The following GALNT14 variants were observed in gnomAD, a reference collection of about 807,000 sequenced individuals.
GALNT14 encodes UDP-GalNAc:polypeptide N-acetylgalactosaminyltransferase 14.
Under a neutral mutation model 77.5 loss-of-function variants are expected in GALNT14, and 60 were observed. The ratio of observed to expected loss-of-function variants is 0.77; its 90% CI spans 0.63 to 0.96. GALNT14 has a LOEUF of 0.96. Among genes scored for constraint, GALNT14 ranks in the 40% least tolerant of loss-of-function variants. The pLI is 0.00. For synonymous variants in GALNT14, 280 were observed against 281.7 expected (o/e 0.99, Z 0.06); for missense variants, 710 against 731.0 (o/e 0.97, Z 0.33).
chr2:31,028,226 T>G (rs761584092), intron 1 of GALNT14, among the ~76,000 whole-genome samples: 1 of 152,188 alleles, frequency 6.6e-6, no homozygotes, highest in Non-Finnish European at 1.5e-5. Context: ...GGTGTGAGAA[T>G]GCCTGGCCTC....
intron 1 of GALNT14, among the ~76,000 whole-genome samples, chr2:31,074,490 G>GC (rs1330770575): frequency 6.6e-6 from 1 of 152,042 alleles, no homozygotes; most frequent in Non-Finnish European, 1.5e-5. Flanking sequence ...CCTGGGCTGG[G>GC]CGGGTTGATC....
chr2:31,023,896 C>A (rs752881686), intron 1 of GALNT14, among the ~76,000 whole-genome samples: 1 of 152,128 alleles, frequency 6.6e-6, no homozygotes, highest in Non-Finnish European at 1.5e-5. Flanking sequence ...GATTTAGACT[C>A]CGAGGTGACT....
At chr2:31,045,501 C>T (rs1236061119) in intron 1 of GALNT14, among the ~76,000 whole-genome samples, 2 of 152,100 alleles carry the variant, frequency 1.3e-5, no homozygotes, top group Admixed American at 6.6e-5. Context: ...CTTGCTTTGT[C>T]GCCCATGCTG....
At chr2:31,035,910 C>G (rs13391595) in intron 1 of GALNT14, among the ~76,000 whole-genome samples, 27,917 of 151,780 alleles carry the variant, frequency 0.18, 3,297 homozygotes, top group Admixed American at 0.35. Flanking sequence ...CTAATGGGTA[C>G]TAGGCTTAAT....
At chr2:31,033,150 A>T (rs751719868) in intron 1 of GALNT14, among the ~76,000 whole-genome samples, 2 of 152,130 alleles carry the variant, frequency 1.3e-5, no homozygotes, top group Non-Finnish European at 2.9e-5. Context: ...GTCATTGAAA[A>T]GTGACTGACA....
At chr2:31,055,238 G>A (rs1009071108) in intron 1 of GALNT14, among the ~76,000 whole-genome samples, 1 of 152,232 alleles carries the variant, frequency 6.6e-6, no homozygotes, top group African/African-American at 2.4e-5. Flanking sequence ...AAGCACTAAT[G>A]AAGATCTGGA....
At chr2:31,049,744 AT>A (rs1041278527) in intron 1 of GALNT14, among the ~76,000 whole-genome samples, 2 of 152,162 alleles carry the variant, frequency 1.3e-5, no homozygotes, top group African/African-American at 4.8e-5. Flanking sequence ...TATGAAATCC[AT>A]TCCCCCTTCA....
chr2:31,050,088 C>T (rs902966139), intron 1 of GALNT14, among the ~76,000 whole-genome samples: 2 of 152,074 alleles, frequency 1.3e-5, no homozygotes, highest in African/African-American at 2.4e-5. Context: ...GCTTTGGTGG[C>T]CAGAGTCCTG....
chr2:30,959,135 T>G (rs540229644), intron 3 of GALNT14, among the ~76,000 whole-genome samples: 196 of 152,282 alleles, frequency 1.3e-3, no homozygotes, highest in African/African-American at 4.6e-3. Context: ...AATGCCCCTG[T>G]GCTGCCCACA....
intron 1 of GALNT14, among the ~76,000 whole-genome samples, chr2:31,030,161 A>G (rs1028370881): frequency 2.0e-5 from 3 of 152,216 alleles, no homozygotes; most frequent in African/African-American, 7.2e-5. Flanking sequence ...GAAAAGCACA[A>G]GAGGAAAACT....
At chr2:30,922,535 T>C (rs4952194) in intron 13 of GALNT14, among the ~76,000 whole-genome samples, 46,826 of 152,136 alleles carry the variant, frequency 0.31, 8,206 homozygotes, top group East Asian at 0.48. Flanking sequence ...GCATCCTCAC[T>C]AGCACCCTTG....
chr2:31,044,449 C>A (rs187451295), intron 1 of GALNT14, among the ~76,000 whole-genome samples: 1 of 152,162 alleles, frequency 6.6e-6, no homozygotes, highest in Non-Finnish European at 1.5e-5. Context: ...ATTAAGTGTC[C>A]TCTGTGCCTA....
At chr2:31,051,713 GC>G (rs1673881089) in intron 1 of GALNT14, among the ~76,000 whole-genome samples, 1 of 152,164 alleles carries the variant, frequency 6.6e-6, no homozygotes, top group Admixed American at 6.5e-5. Flanking sequence ...GGGATCAGAG[GC>G]CCCTTCTCTG....
At chr2:31,057,298 T>C (rs1283794646) in intron 1 of GALNT14, among the ~76,000 whole-genome samples, 1 of 122,062 alleles carries the variant, frequency 8.2e-6, no homozygotes, top group Non-Finnish European at 1.8e-5. Context: ...TGAAATTATA[T>C]ATATATATAT....
chr2:31,057,562 C>A (rs975144487), intron 1 of GALNT14, among the ~76,000 whole-genome samples: 1 of 151,336 alleles, frequency 6.6e-6, no homozygotes, highest in Non-Finnish European at 1.5e-5. Context: ...AGGCAACAGC[C>A]CTTCTCACAG....
intron 1 of GALNT14, among the ~76,000 whole-genome samples, chr2:31,077,890 C>T (rs1477557965): frequency 1.3e-5 from 2 of 152,190 alleles, no homozygotes; most frequent in East Asian, 1.9e-4. Flanking sequence ...GGCTGAGGCA[C>T]CTGATCAAGA....
At chr2:31,044,787 C>T (rs975394172) in intron 1 of GALNT14, among the ~76,000 whole-genome samples, 22 of 151,902 alleles carry the variant, frequency 1.4e-4, no homozygotes, top group African/African-American at 4.8e-4. Context: ...TAGTGGTGCA[C>T]ACCTGTAGTC....
intron 1 of GALNT14, among the ~76,000 whole-genome samples, chr2:30,995,977 G>A (rs1205009639): frequency 1.3e-5 from 2 of 152,146 alleles, no homozygotes; most frequent in Non-Finnish European, 2.9e-5. Context: ...AAGCCATGTC[G>A]CAGCTCAAAG....
Position 30,992,935 on chromosome 2 carries a change from G to C in GALNT14, c.202C>G (p.Arg68Gly). The change falls in exon 2 of 15, where the codon CGC becomes GGC. Residue 68 changes from arginine to glycine, a missense_variant. Coordinates refer to ENST00000349752, the MANE Select transcript of GALNT14 (RefSeq NM_024572.4). Reference protein sequence around the residue: ...ERRYLNAKKWRVGDDPYKLYA... With the variant: ...ERRYLNAKKWGVGDDPYKLYA... ...AGCTTATAGGGGTCGTCACCAACGC[G>C]CCACTTTTTGGCATTCAGATACCGC... The C allele has an allele frequency of 6.2e-7, 1 of 1,614,138 alleles. No homozygotes were observed. The highest frequency in any genetic ancestry group is 8.5e-7 in the Non-Finnish European group (1 of 1,180,010).
Sources: allele counts gnomAD v4.1 joint callset (sites outside exome capture counted in the v4.1 genomes callset), GRCh38; gene constraint gnomAD v4.1.1; transcripts MANE v1.5; gene names NCBI Gene and HGNC (gene_info 2026-07-23, HGNC 2026-07-21).